The following DNAJC24 variants were observed in gnomAD, a reference collection of about 807,000 sequenced individuals.
The protein encoded by DNAJC24 is DnaJ heat shock protein family (Hsp40) member C24.
A neutral mutation model predicts 18.0 loss-of-function variants in DNAJC24; 17 were observed. That is an observed-to-expected ratio of 0.94 (90% CI 0.65 to 1.42). The LOEUF (loss-of-function observed/expected upper bound fraction) is 1.42, where lower values mean the gene tolerates loss of function less well. Among genes scored for constraint, DNAJC24 ranks in the 40% most tolerant of loss-of-function variants. The pLI is 0.00. For synonymous variants in DNAJC24, 55 were observed against 57.7 expected, an observed-to-expected ratio of 0.95 and a Z score of 0.21; for missense variants, 158 against 175.6, an observed-to-expected ratio of 0.90 and a Z score of 0.57.
chr11:31,410,036 AC>A (rs1438823149), intron 2 of DNAJC24, among the ~76,000 whole-genome samples: 1 of 142,714 alleles, frequency 7.0e-6, no homozygotes, highest in Non-Finnish European at 1.5e-5. Context: ...GGTGCGTGCC[AC>A]CACACCTGGC....
intron 3 of DNAJC24, among the ~76,000 whole-genome samples, chr11:31,424,273 T>C (rs1952839391): frequency 6.6e-6 from 1 of 152,192 alleles, no homozygotes; most frequent in South Asian, 2.1e-4. Context: ...TTAAAATGTC[T>C]ATAAGATACC....
intron 2 of DNAJC24, among the ~76,000 whole-genome samples, chr11:31,378,011 T>C (rs1395246663): frequency 6.6e-6 from 1 of 152,108 alleles, no homozygotes; most frequent in African/African-American, 2.4e-5. Flanking sequence ...AAGCTAGTTA[T>C]GTCATCCACT....
intron 2 of DNAJC24, among the ~76,000 whole-genome samples, chr11:31,398,803 TG>T (rs1252694826): frequency 3.3e-5 from 5 of 152,180 alleles, no homozygotes; most frequent in Non-Finnish European, 7.4e-5. Context: ...AGCTCTGAGT[TG>T]TTGTAGGAGA....
chr11:31,386,511 C>A (rs1176518129), intron 2 of DNAJC24, among the ~76,000 whole-genome samples: 2 of 151,996 alleles, frequency 1.3e-5, no homozygotes, highest in African/African-American at 4.8e-5. Context: ...AGAGGGGAAC[C>A]TTCTGCCTTG....
At chr11:31,389,766 A>G (rs538231483) in intron 2 of DNAJC24, among the ~76,000 whole-genome samples, 4 of 152,360 alleles carry the variant, frequency 2.6e-5, no homozygotes, top group Non-Finnish European at 5.9e-5. Context: ...TTAGGTCACA[A>G]AACAATTTTT....
intron 2 of DNAJC24, among the ~76,000 whole-genome samples, chr11:31,411,692 A>C (rs1203841174): frequency 1.3e-5 from 2 of 152,180 alleles, no homozygotes; most frequent in Non-Finnish European, 2.9e-5. Context: ...TCTTTCTTCT[A>C]AGAACACTTT....
At chr11:31,397,037 C>T (rs1218454933) in intron 2 of DNAJC24, among the ~76,000 whole-genome samples, 1 of 152,182 alleles carries the variant, frequency 6.6e-6, no homozygotes, top group Non-Finnish European at 1.5e-5. Flanking sequence ...TCATATATCA[C>T]CTTTATTATA....
intron 2 of DNAJC24, among the ~76,000 whole-genome samples, chr11:31,373,737 CCTT>C (rs1407548093): frequency 7.4e-6 from 1 of 134,436 alleles, no homozygotes; most frequent in East Asian, 1.9e-4. Flanking sequence ...GAACATGTAT[CCTT>C]CTCCTTACTT....
chr11:31,376,763 A>T (rs1233819289), intron 2 of DNAJC24, among the ~76,000 whole-genome samples: 1 of 152,082 alleles, frequency 6.6e-6, no homozygotes, highest in Non-Finnish European at 1.5e-5. Flanking sequence ...TTTTTTCTGG[A>T]TTTCCATAGA....
At chr11:31,377,790 C>A (rs1361596220) in intron 2 of DNAJC24, among the ~76,000 whole-genome samples, 1 of 152,006 alleles carries the variant, frequency 6.6e-6, no homozygotes, top group Non-Finnish European at 1.5e-5. Context: ...CAGGATACTT[C>A]TCAGTTGGAA....
chr11:31,390,192 T>TG (rs1952476709), intron 2 of DNAJC24, among the ~76,000 whole-genome samples: 1 of 152,010 alleles, frequency 6.6e-6, no homozygotes, highest in South Asian at 2.1e-4. Flanking sequence ...GGTCAGGAGT[T>TG]GGAGACCCAC....
At chr11:31,426,808 A>ATTTTTTTT (rs34295574) in intron 4 of DNAJC24, 1 of 132,650 alleles carries the variant, frequency 7.5e-6, no homozygotes, top group African/African-American at 2.8e-5. Flanking sequence ...AAGAGGCTTG[A>ATTTTTTTT]TTTTTTTTTT....
chr11:31,384,586 C>G (rs1175157596), intron 2 of DNAJC24: 1 of 152,164 alleles, frequency 6.6e-6, no homozygotes, highest in African/African-American at 2.4e-5. Flanking sequence ...TTCTATTATT[C>G]CTTACAGGTT....
At chr11:31,407,237 C>G (rs1331776537) in intron 2 of DNAJC24, among the ~76,000 whole-genome samples, 1 of 152,094 alleles carries the variant, frequency 6.6e-6, no homozygotes, top group Non-Finnish European at 1.5e-5. Flanking sequence ...GCCCAGAGTC[C>G]TTTTCATGGT....
At chr11:31,399,732 G>C (rs886521022) in intron 2 of DNAJC24, among the ~76,000 whole-genome samples, 1 of 110,146 alleles carries the variant, frequency 9.1e-6, no homozygotes, top group African/African-American at 3.4e-5. Flanking sequence ...TTTTTTAACT[G>C]TTTTTTCTTT....
intron 2 of DNAJC24, among the ~76,000 whole-genome samples, chr11:31,394,472 T>G (rs1380630681): frequency 6.6e-6 from 1 of 152,114 alleles, no homozygotes; most frequent in African/African-American, 2.4e-5. Context: ...GAGGTTCAAC[T>G]AATTATATTA....
chr11:31,420,554 T>TA (rs1334409887), intron 3 of DNAJC24, among the ~76,000 whole-genome samples: 1 of 152,116 alleles, frequency 6.6e-6, no homozygotes, highest in African/African-American at 2.4e-5. Flanking sequence ...TGGTCTGGTA[T>TA]AGATAGCTCA....
chr11:31,381,836 C>A (rs1952380103), intron 2 of DNAJC24, among the ~76,000 whole-genome samples: 1 of 152,128 alleles, frequency 6.6e-6, no homozygotes, highest in South Asian at 2.1e-4. Flanking sequence ...CTCTGCCTCC[C>A]AAAGTGCTGG....
At chr11:31,414,124 T>C (rs1011965904) in intron 2 of DNAJC24, among the ~76,000 whole-genome samples, 9 of 152,202 alleles carry the variant, frequency 5.9e-5, no homozygotes, top group African/African-American at 2.2e-4. Flanking sequence ...TACTGCATAT[T>C]GAAAACAAAA....
Sources: gnomAD v4.1 joint callset for allele counts (sites outside exome capture counted in the v4.1 genomes callset) on GRCh38, gnomAD v4.1.1 for gene constraint, MANE v1.5 for transcripts, NCBI Gene and HGNC (gene_info 2026-07-23, HGNC 2026-07-21) for gene names.